The following NKAIN2 variants were observed in gnomAD, a reference collection of about 807,000 sequenced individuals.
The protein encoded by NKAIN2 is sodium/potassium transporting ATPase interacting 2, also known as sodium/potassium-transporting ATPase subunit beta-1-interacting protein 2.
NKAIN2 carries 14 observed loss-of-function variants against 32.6 expected under a neutral mutation model. The observed-to-expected ratio is 0.43, with a 90% confidence interval of 0.28 to 0.67. The LOEUF is 0.67. Among genes scored for constraint, NKAIN2 ranks in the 30% least tolerant of loss-of-function variants. The pLI, the probability that NKAIN2 is intolerant of heterozygous loss-of-function variation, is 0.17. For missense variants in NKAIN2, 198 were observed against 258.3 expected (o/e 0.77, Z 1.60); for synonymous variants, 80 against 87.2 (o/e 0.92, Z 0.46).
chr6:124,245,062 G>A (rs1383836415), intron 1 of NKAIN2, among the ~76,000 whole-genome samples: 1 of 152,082 alleles, frequency 6.6e-6, no homozygotes, highest in Non-Finnish European at 1.5e-5. Context: ...TAATTAGAGA[G>A]AGATAAGCTG....
intron 1 of NKAIN2, among the ~76,000 whole-genome samples, chr6:123,982,892 A>C (rs1427636064): frequency 6.6e-6 from 1 of 152,104 alleles, no homozygotes; most frequent in Non-Finnish European, 1.5e-5. Flanking sequence ...ATTCAACCTC[A>C]CAATTGAAAG....
intron 4 of NKAIN2, among the ~76,000 whole-genome samples, chr6:124,773,652 C>T (rs1432800955): frequency 6.6e-6 from 1 of 152,134 alleles, no homozygotes; most frequent in Non-Finnish European, 1.5e-5. Context: ...CCAGCAATTT[C>T]TATGCAGATT....
chr6:123,811,800 T>G (rs1350450905), intron 1 of NKAIN2, among the ~76,000 whole-genome samples: 1 of 152,130 alleles, frequency 6.6e-6, no homozygotes, highest in African/African-American at 2.4e-5. Context: ...TTTCATAGAA[T>G]CATTTTTTTC....
chr6:124,053,484 A>G (rs1209443365), intron 1 of NKAIN2, among the ~76,000 whole-genome samples: 1 of 152,078 alleles, frequency 6.6e-6, no homozygotes, highest in East Asian at 1.9e-4. Context: ...CTCCATAGGC[A>G]TAGGTAGAAT....
At chr6:124,653,765 A>T (rs1784447375) in intron 3 of NKAIN2, among the ~76,000 whole-genome samples, 1 of 152,152 alleles carries the variant, frequency 6.6e-6, no homozygotes, top group Non-Finnish European at 1.5e-5. Flanking sequence ...ATGATAAAAG[A>T]CTACCAGGTA....
At chr6:124,651,290 G>A (rs1231934661) in intron 3 of NKAIN2, among the ~76,000 whole-genome samples, 1 of 152,108 alleles carries the variant, frequency 6.6e-6, no homozygotes, top group Admixed American at 6.5e-5. Flanking sequence ...TCTCCGGGTG[G>A]TTGTTGCAGA....
chr6:124,323,641 T>A (rs9491123), intron 2 of NKAIN2, among the ~76,000 whole-genome samples: 13,728 of 152,132 alleles, frequency 0.09, 1,088 homozygotes, highest in East Asian at 0.26. Flanking sequence ...ATGTTCCATT[T>A]TTCTATATGT....
At chr6:124,577,094 A>T (rs908371387) in intron 3 of NKAIN2, among the ~76,000 whole-genome samples, 2 of 152,108 alleles carry the variant, frequency 1.3e-5, no homozygotes, top group Non-Finnish European at 2.9e-5. Flanking sequence ...TATTTTCAAA[A>T]CTCAAAGGAA....
intron 1 of NKAIN2, among the ~76,000 whole-genome samples, chr6:124,033,017 T>G (rs1582962873): frequency 6.6e-6 from 1 of 152,128 alleles, no homozygotes; most frequent in East Asian, 1.9e-4. Flanking sequence ...ACTGAACCAC[T>G]TTGGCTATTA....
At chr6:124,117,648 A>T (rs1056009757) in intron 1 of NKAIN2, among the ~76,000 whole-genome samples, 1 of 151,824 alleles carries the variant, frequency 6.6e-6, no homozygotes, top group African/African-American at 2.4e-5. Flanking sequence ...AACTTAAAGT[A>T]TAATAATAAT....
Position 124,823,387 on chromosome 6 carries a change from C to G in NKAIN2, c.*158C>G. On this transcript the variant is annotated 3_prime_UTR_variant, in exon 7 of 7. Coordinates refer to ENST00000368417, the MANE Select transcript of NKAIN2 (RefSeq NM_001040214.3). ...CCTCTACATACAACACTGACACACA[C>G]ACACACACACACGTGAGCACGCACA... is the stretch of plus-strand genomic sequence containing the variant. The G allele has an allele frequency of 1.5e-6, 1 of 661,264 alleles. No individual in the cohort carries two copies. Among genetic ancestry groups the G allele is most frequent in the Admixed American group, 2.2e-5 (1 of 44,786 alleles). 41.0% of individuals were successfully genotyped at this position (661,264 alleles called of 1,614,324 possible). A position where few individuals can be genotyped will look rare whatever the true frequency, so the allele number is the denominator to read the frequency against.
At chr6:123,948,168 A>G (rs1454877785) in intron 1 of NKAIN2, among the ~76,000 whole-genome samples, 1 of 151,966 alleles carries the variant, frequency 6.6e-6, no homozygotes, top group Non-Finnish European at 1.5e-5. Context: ...CCATTTGTCT[A>G]TTGATGGACA....
intron 4 of NKAIN2, among the ~76,000 whole-genome samples, chr6:124,663,366 G>A (rs1772586606): frequency 6.6e-6 from 1 of 151,982 alleles, no homozygotes; most frequent in Non-Finnish European, 1.5e-5. Context: ...GGGAGGTGGA[G>A]GTTGCAGTGA....
chr6:124,477,735 T>TC (rs1777284758), intron 3 of NKAIN2, among the ~76,000 whole-genome samples: 1 of 73,702 alleles, frequency 1.4e-5, no homozygotes, highest in Non-Finnish European at 2.5e-5. Flanking sequence ...TCCCCCTCCC[T>TC]CTCCTTCCCC....
At chr6:123,963,452 G>C (rs1389363825) in intron 1 of NKAIN2, among the ~76,000 whole-genome samples, 1 of 152,214 alleles carries the variant, frequency 6.6e-6, no homozygotes, top group Non-Finnish European at 1.5e-5. Flanking sequence ...GAGAGTTGAT[G>C]TAGTGTAGTA....
intron 1 of NKAIN2, among the ~76,000 whole-genome samples, chr6:124,144,861 T>C (rs145451083): frequency 6.6e-6 from 1 of 152,202 alleles, no homozygotes; most frequent in Non-Finnish European, 1.5e-5. Flanking sequence ...GGAGGAAATA[T>C]CTGTAGACCA....
At chr6:124,747,955 T>A (rs1777520010) in intron 4 of NKAIN2, among the ~76,000 whole-genome samples, 1 of 151,776 alleles carries the variant, frequency 6.6e-6, no homozygotes, top group African/African-American at 2.4e-5. Context: ...CACAAACAAT[T>A]TTTTTTGCCA....
intron 4 of NKAIN2, among the ~76,000 whole-genome samples, chr6:124,680,689 A>G (rs1458362614): frequency 6.6e-6 from 1 of 152,018 alleles, no homozygotes; most frequent in Non-Finnish European, 1.5e-5. Context: ...ACAGCCCAGG[A>G]TTTTTTCTTG....
intron 1 of NKAIN2, among the ~76,000 whole-genome samples, chr6:124,011,104 C>T (rs1256162138): frequency 1.3e-5 from 2 of 152,020 alleles, no homozygotes; most frequent in Non-Finnish European, 2.9e-5. Context: ...TTTTAATATC[C>T]AACTATTTGC....
Sources: allele counts gnomAD v4.1 joint callset (sites outside exome capture counted in the v4.1 genomes callset), GRCh38; gene constraint gnomAD v4.1.1; transcripts MANE v1.5; gene names NCBI Gene and HGNC (gene_info 2026-07-23, HGNC 2026-07-21).